Variants in DIAPH3 observed in about 807,000 individuals in gnomAD.
The protein encoded by DIAPH3 is diaphanous related formin 3, also known as protein diaphanous homolog 3.
Under a neutral mutation model 144.3 loss-of-function variants are expected in DIAPH3, and 117 were observed. The observed-to-expected ratio is 0.81, with a 90% CI of 0.70 to 0.95. DIAPH3 has a LOEUF of 0.95. Ranked by LOEUF, DIAPH3 falls within the 40% of genes least tolerant of loss-of-function variation. The pLI, the probability that DIAPH3 is intolerant of heterozygous loss-of-function variation, is 0.00. For synonymous variants in DIAPH3, 519 were observed against 488.9 expected (o/e 1.06, Z -0.81); for missense variants, 1,421 against 1,412.7 (o/e 1.01, Z -0.09).
At chr13:60,046,173 C>A (rs975320321) in intron 4 of DIAPH3, among the ~76,000 whole-genome samples, 1 of 152,142 alleles carries the variant, frequency 6.6e-6, no homozygotes, top group Non-Finnish European at 1.5e-5. Context: ...CTAACTGAAT[C>A]CACATTTTAT....
At chr13:59,706,775 C>T (rs562191712) in intron 27 of DIAPH3, among the ~76,000 whole-genome samples, 3 of 152,304 alleles carry the variant, frequency 2.0e-5, no homozygotes, top group Admixed American at 6.5e-5. Context: ...GAGAGGTCAA[C>T]TTTCTTTTGT....
chr13:59,774,329 T>G, intron 26 of DIAPH3, 81 bp from the exon 27 acceptor site: 1 of 1,205,128 alleles, frequency 8.3e-7, no homozygotes. Flanking sequence ...ACATACTTTT[T>G]TCCAAGGTTA....
intron 19 of DIAPH3, among the ~76,000 whole-genome samples, chr13:59,913,030 T>A (rs1264501943): frequency 6.6e-6 from 1 of 152,156 alleles, no homozygotes; most frequent in Admixed American, 6.5e-5. Flanking sequence ...CCCACATAAA[T>A]AGAAATTTCT....
chr13:59,905,342 C>CAAAAAAAAAAAAAAAAAAAAAAAA (rs59114311), intron 20 of DIAPH3, among the ~76,000 whole-genome samples: 1 of 69,758 alleles, frequency 1.4e-5, no homozygotes, highest in Non-Finnish European at 2.4e-5. Flanking sequence ...GACTCTGTCT[C>CAAAAAAAAAAAAAAAAAAAAAAAA]AAAAAAAAAA....
At chr13:60,161,190 G>A (rs1026653626) in intron 1 of DIAPH3, among the ~76,000 whole-genome samples, 3 of 152,110 alleles carry the variant, frequency 2.0e-5, no homozygotes, top group Non-Finnish European at 4.4e-5. Context: ...AGCTGCCCCA[G>A]GCTCAGATAA....
chr13:59,789,400 GGATTTGTTTTA>G (rs1465660237), intron 25 of DIAPH3, among the ~76,000 whole-genome samples: 13 of 151,702 alleles, frequency 8.6e-5, no homozygotes, highest in Non-Finnish European at 1.5e-4. Flanking sequence ...AAATATATTA[GGATTTGTTTTA>G]GATTTGTTTT....
At chr13:60,141,583 G>C (rs2059425790) in intron 1 of DIAPH3, among the ~76,000 whole-genome samples, 1 of 152,172 alleles carries the variant, frequency 6.6e-6, no homozygotes, top group East Asian at 1.9e-4. Flanking sequence ...CATGATTCAG[G>C]TAAAACTTGG....
At chr13:59,766,010 A>C (rs1156451145) in intron 27 of DIAPH3, among the ~76,000 whole-genome samples, 2 of 152,198 alleles carry the variant, frequency 1.3e-5, no homozygotes, top group Non-Finnish European at 2.9e-5. Flanking sequence ...GGTGAACCAC[A>C]CATTGTTATG....
chr13:60,097,823 G>A (rs1368753146), intron 3 of DIAPH3, among the ~76,000 whole-genome samples: 1 of 151,920 alleles, frequency 6.6e-6, no homozygotes, highest in Non-Finnish European at 1.5e-5. Flanking sequence ...GGGCAGTAGA[G>A]AGAAAATATG....
At chr13:59,968,449 A>G (rs1202701916) in intron 17 of DIAPH3, among the ~76,000 whole-genome samples, 1 of 152,220 alleles carries the variant, frequency 6.6e-6, no homozygotes, top group Admixed American at 6.5e-5. Flanking sequence ...CTTGATTGCC[A>G]GAAGAGTACA....
intron 4 of DIAPH3, among the ~76,000 whole-genome samples, chr13:60,089,580 G>T (rs1566758691): frequency 6.6e-6 from 1 of 152,086 alleles, no homozygotes; most frequent in Non-Finnish European, 1.5e-5. Context: ...GGAAACCATG[G>T]ATCCTCTTCC....
chr13:59,796,138 G>A (rs1365774358), intron 25 of DIAPH3, among the ~76,000 whole-genome samples: 1 of 152,292 alleles, frequency 6.6e-6, no homozygotes, highest in East Asian at 1.9e-4. Flanking sequence ...ATCTGTGGGT[G>A]TTTATAAACA....
intron 20 of DIAPH3, among the ~76,000 whole-genome samples, chr13:59,884,431 CTTCCATGAAACCA>C: frequency 1.3e-5 from 2 of 152,246 alleles, no homozygotes; most frequent in Admixed American, 1.3e-4. Context: ...AAAAAAGTGT[CTTCCATGAAACCA>C]TTCACTGGTG....
intron 27 of DIAPH3, among the ~76,000 whole-genome samples, chr13:59,750,636 C>T (rs529792177): frequency 6.6e-6 from 1 of 152,262 alleles, no homozygotes; most frequent in East Asian, 1.9e-4. Context: ...GAGGGAGTTA[C>T]CAGTACAAAC....
chr13:59,935,492 T>C (rs1048679725), intron 17 of DIAPH3, among the ~76,000 whole-genome samples: 2 of 152,146 alleles, frequency 1.3e-5, no homozygotes, highest in African/African-American at 4.8e-5. Context: ...AGGTGGTTGA[T>C]AGGACAATAT....
At chr13:59,850,683 A>G (rs1274310715) in intron 22 of DIAPH3, among the ~76,000 whole-genome samples, 1 of 152,102 alleles carries the variant, frequency 6.6e-6, no homozygotes, top group Non-Finnish European at 1.5e-5. Context: ...CTTGATCATG[A>G]TAAAGGGGAT....
intron 12 of DIAPH3, among the ~76,000 whole-genome samples, chr13:59,989,460 A>G (rs942931408): frequency 6.6e-6 from 1 of 151,818 alleles, no homozygotes; most frequent in Admixed American, 6.6e-5. Flanking sequence ...TGAGGAAAAA[A>G]CTGATGGAGT....
intron 17 of DIAPH3, among the ~76,000 whole-genome samples, chr13:59,932,071 A>G (rs1024917110): frequency 6.6e-6 from 1 of 152,172 alleles, no homozygotes; most frequent in African/African-American, 2.4e-5. Context: ...GAAGGCTAAT[A>G]AAAAAGTTAG....
intron 21 of DIAPH3, among the ~76,000 whole-genome samples, chr13:59,866,514 C>T (rs1406186817): frequency 1.3e-5 from 2 of 152,014 alleles, no homozygotes; most frequent in African/African-American, 4.8e-5. Flanking sequence ...TAATTCTAGC[C>T]TGGAAAGCAT....
Sources: gnomAD v4.1 joint callset for allele counts (sites outside exome capture counted in the v4.1 genomes callset) on GRCh38, gnomAD v4.1.1 for gene constraint, MANE v1.5 for transcripts, NCBI Gene and HGNC (gene_info 2026-07-23, HGNC 2026-07-21) for gene names.